EPGN: variants seen among roughly 807,000 people sequenced by gnomAD.
EPGN encodes the protein epigen.
A neutral mutation model predicts 20.7 loss-of-function variants in EPGN; 21 were observed. The observed-to-expected ratio is 1.01, with a 90% CI of 0.72 to 1.46. The LOEUF (loss-of-function observed/expected upper bound fraction) is 1.46, where lower values mean the gene tolerates loss of function less well. Among genes scored for constraint, EPGN ranks in the 40% most tolerant of loss-of-function variants. EPGN has a pLI of 0.00. For synonymous variants in EPGN, 69 were observed against 63.8 expected (o/e 1.08, Z -0.39); for missense variants, 199 against 180.7 (o/e 1.10, Z -0.58).
chr4:74,312,434 C>G, intron 3 of EPGN, 129 bp downstream of exon 3: 1 of 981,006 alleles, frequency 1.0e-6, no homozygotes, highest in Non-Finnish European at 1.4e-6. Flanking sequence ...CATGACTTGA[C>G]AGGCCTCTAC....
intron 4 of EPGN, 58 bp from the exon 5 acceptor site, chr4:74,314,521 CT>C: frequency 6.7e-7 from 1 of 1,500,342 alleles, no homozygotes; most frequent in South Asian, 1.2e-5. Flanking sequence ...TTTATGTAAG[CT>C]TCAATGACCT....
chr4:74,311,960 C>T (rs1750982279), intron 2 of EPGN, among the ~76,000 whole-genome samples: 1 of 152,160 alleles, frequency 6.6e-6, no homozygotes, highest in African/African-American at 2.4e-5. Context: ...GTGAAACAAT[C>T]ATCAATCCAC....
intron 3 of EPGN, 31 bp downstream of exon 3, chr4:74,312,336 G>A: frequency 1.9e-6 from 3 of 1,594,724 alleles, no homozygotes; most frequent in Non-Finnish European, 2.6e-6. Flanking sequence ...AAGTCCTAGA[G>A]ACAGGAGATG....
chr4:74,310,019 C>G (rs979029824), intron 2 of EPGN, among the ~76,000 whole-genome samples: 1 of 152,062 alleles, frequency 6.6e-6, no homozygotes, highest in South Asian at 2.1e-4. Context: ...ATGATTGTCT[C>G]GAAATATTTT....
rs9683437 is a variant in EPGN at position 74,315,679 on chromosome 4, T to C, written c.*1042T>C. Among the ~76,000 whole-genome samples, 18,634 of 151,996 alleles carry C rather than the reference T, an allele frequency of 0.12. 3,068 individuals carry two copies. Among genetic ancestry groups the C allele is most frequent in the African/African-American group, 0.38 (15,544 of 41,422 alleles). Reference sequence around the variant, plus strand: ...TAATAATCAGTATCCAGGCCAGGCGTGGTGGTTCACGCCTGTAATCCTAGC... The same window carrying C: ...TAATAATCAGTATCCAGGCCAGGCGCGGTGGTTCACGCCTGTAATCCTAGC... On this transcript the variant is annotated 3_prime_UTR_variant, in exon 5 of 5. Coordinates refer to ENST00000413830, the MANE Select transcript of EPGN (RefSeq NM_001270989.2).
At position 74,312,324 on chromosome 4, in the gene EPGN, C is replaced by A. The variant is rs1244322051; in HGVS notation, c.254+19C>A. On this transcript the variant is annotated intron_variant, in intron 3 of 4. Transcript: ENST00000413830. ...TCTGCAGGTAAATGCAAAGAAATATCCAAGTCCTAGAGACAGGAGATGAGT... is the reference window on the plus strand; with the variant it reads ...TCTGCAGGTAAATGCAAAGAAATATACAAGTCCTAGAGACAGGAGATGAGT... 4 of 1,603,582 alleles carry A rather than the reference C, an allele frequency of 2.5e-6. No homozygotes were observed. Among genetic ancestry groups the A allele is most frequent in the Non-Finnish European group, 3.4e-6 (4 of 1,176,490 alleles).
Position 74,316,122 on chromosome 4 carries a change from G to T in EPGN, c.*1485G>T, listed in dbSNP as rs1310775439. On this transcript the variant is annotated 3_prime_UTR_variant, in exon 5 of 5. Coordinates refer to ENST00000413830, the MANE Select transcript of EPGN (RefSeq NM_001270989.2). ...AATAAGGAAATGTTTTTCCAAATCT[G>T]CATTGCCGGTGAGATCCTCAACATC... is the stretch of plus-strand genomic sequence containing the variant. Among the ~76,000 whole-genome samples the T allele has an allele frequency of 6.6e-6, 1 of 152,028 alleles. No homozygotes were observed. Among genetic ancestry groups the T allele is most frequent in the African/African-American group, 2.4e-5 (1 of 41,390 alleles).
chr4:74,308,947 A>G, intron 1 of EPGN, 146 bp from the exon 2 acceptor site: 2 of 640,830 alleles, frequency 3.1e-6, no homozygotes, highest in African/African-American at 1.8e-5. Flanking sequence ...AACTGTAAGT[A>G]TGTTGCCCTA....
In EPGN at chr4:74,316,486, T is replaced by C. The variant is rs900611803; in HGVS notation, c.*1849T>C. 1.3e-5 allele frequency among the ~76,000 whole-genome samples: 2 copies of C among 152,226 alleles called. No individual in the cohort carries two copies. Among genetic ancestry groups the C allele is most frequent in the Non-Finnish European group, 1.5e-5 (1 of 68,034 alleles). On this transcript the variant is annotated 3_prime_UTR_variant, in exon 5 of 5. Transcript: ENST00000413830. Reference sequence around the variant, plus strand: ...ATTCATTCCTAAACCAAACTTAAAATTCTGCTTTCCTTTGAGTAGAAGGTA... The same window carrying C: ...ATTCATTCCTAAACCAAACTTAAAACTCTGCTTTCCTTTGAGTAGAAGGTA...
intron 4 of EPGN, chr4:74,314,233 A>G: frequency 2.0e-6 from 1 of 492,288 alleles, no homozygotes; most frequent in Non-Finnish European, 4.0e-6. Flanking sequence ...CCACAGGGAG[A>G]TCTAGAATGT....
chr4:74,312,451 G>C, intron 3 of EPGN, 146 bp downstream of exon 3: 1 of 818,582 alleles, frequency 1.2e-6, no homozygotes, highest in Non-Finnish European at 1.8e-6. Flanking sequence ...CTACATATTT[G>C]AATATCTAAG....
rs535933465 is a variant in EPGN, at chr4:74,313,018, G to A, written c.255G>A (p.Arg85=). 1.3e-5 allele frequency: 21 copies of A among 1,589,430 alleles called. No individual in the cohort carries two copies. In the Admixed American group the frequency reaches 1.5e-4, roughly 11 times the overall value. The change falls in exon 4 of 5, where the codon AGG becomes AGA. Residue 85 remains arginine (R), a splice_region_variant and synonymous_variant. Coordinates refer to ENST00000413830, the MANE Select transcript of EPGN (RefSeq NM_001270989.2). The part of the protein sequence containing the change: ...FHHELEKAIC[R]CFTGYTGERC... ...TTAAACTTTTTTTCTTTTTTTAAAG[G>A]TGTTTTACTGGTTATACTGGAGAAA...
At position 74,313,138 on chromosome 4, in the gene EPGN, T is replaced by C. The variant is rs760906121; in HGVS notation, c.375T>C (p.Phe125=). ...GIGVGLLLSG[F]LVIFYCYIRK... Reference sequence around the variant, plus strand: ...GTGTTGGATTACTATTAAGTGGTTTTCTTGTTATTTTTTACTGCTATATAA... The same window carrying C: ...GTGTTGGATTACTATTAAGTGGTTTCCTTGTTATTTTTTACTGCTATATAA... Residue 125 remains phenylalanine (F), a synonymous_variant, in exon 4 of 5, where the codon TTT becomes TTC. Transcript: ENST00000413830. 6.2e-7 allele frequency: 1 copy of C among 1,612,124 alleles called. No homozygotes were observed. The highest frequency in any genetic ancestry group is 8.5e-7 in the Non-Finnish European group (1 of 1,179,412).
intron 4 of EPGN, chr4:74,314,174 A>C (rs1180616222): frequency 6.5e-6 from 3 of 462,014 alleles, no homozygotes; most frequent in Admixed American, 2.3e-5. Context: ...GCACAAGAAG[A>C]AGCTAAGCAA....
chr4:74,312,937 T>C, intron 3 of EPGN, 81 bp from the exon 4 acceptor site: 1 of 1,175,514 alleles, frequency 8.5e-7, no homozygotes, highest in South Asian at 1.5e-5. Flanking sequence ...TTCCATTTAT[T>C]TTTTTAAATT....
rs1021687257 is a variant in EPGN at position 74,314,656 on chromosome 4, T to C, written c.*19T>C. ...ACTGTGAGGCCTTTGTGAAGAATTT[T>C]CATCAAGGCATCTGTAGAGATCAGT... is the stretch of plus-strand genomic sequence containing the variant. On this transcript the variant is annotated 3_prime_UTR_variant, in exon 5 of 5. Coordinates refer to ENST00000413830, the MANE Select transcript of EPGN (RefSeq NM_001270989.2). 22 of 1,535,398 alleles carry C rather than the reference T, an allele frequency of 1.4e-5. No individual in the cohort carries two copies. The highest frequency in any genetic ancestry group is 3.3e-4 in the Middle Eastern group (2 of 6,004).
intron 2 of EPGN, 35 bp from the exon 3 acceptor site, chr4:74,312,150 A>T (rs1750997985): frequency 2.6e-6 from 4 of 1,565,328 alleles, no homozygotes; most frequent in Non-Finnish European, 3.4e-6. Context: ...AGTAAGACAC[A>T]TTTCATTTGC....
rs1253239170 is a variant in EPGN at position 74,314,908 on chromosome 4, T to C, written c.*271T>C. 4.3e-6 allele frequency: 2 copies of C among 462,938 alleles called. No homozygotes were observed. The highest frequency in any genetic ancestry group is 2.0e-5 in the African/African-American group (1 of 49,900). The allele number at this position is 462,938 out of a possible 1,614,324, so 28.7% of individuals were successfully genotyped here. On this transcript the variant is annotated 3_prime_UTR_variant, in exon 5 of 5. Coordinates refer to ENST00000413830, the MANE Select transcript of EPGN (RefSeq NM_001270989.2). ...TTTTTTGTTGTTGTGTGGTTATTAT[T>C]CTCACTACAGAAAGACTGAGTTTCA...
chr4:74,313,356 A>G, intron 4 of EPGN, 186 bp downstream of exon 4: 5 of 1,396,552 alleles, frequency 3.6e-6, no homozygotes, highest in African/African-American at 1.5e-5. Context: ...CGAGTGGTAA[A>G]AATTTGCCTT....
Sources: gnomAD v4.1 joint callset for allele counts (sites outside exome capture counted in the v4.1 genomes callset) on GRCh38, gnomAD v4.1.1 for gene constraint, MANE v1.5 for transcripts, NCBI Gene and HGNC (gene_info 2026-07-23, HGNC 2026-07-21) for gene names.